The following KIRREL3 variants were observed in gnomAD, a reference collection of about 807,000 sequenced individuals.
KIRREL3 encodes kirre like nephrin family adhesion molecule 3, also known as kin of IRRE-like protein 3.
In KIRREL3, 36 loss-of-function variants were observed where a neutral mutation model predicts 89.7. The observed-to-expected ratio is 0.40, with a 90% CI of 0.31 to 0.53. The LOEUF is 0.53. KIRREL3 is among the 20% of genes least tolerant of loss of function. The pLI is 0.49. For missense variants in KIRREL3, 864 were observed against 1,056.6 expected, an observed-to-expected ratio of 0.82 and a Z score of 2.53; for synonymous variants, 445 against 441.4, an observed-to-expected ratio of 1.01 and a Z score of -0.10.
chr11:126,882,427 T>C (rs1173302740), intron 1 of KIRREL3, among the ~76,000 whole-genome samples: 2 of 152,180 alleles, frequency 1.3e-5, no homozygotes, highest in African/African-American at 4.8e-5. Flanking sequence ...GCAACACAAA[T>C]CATCCCTACC....
rs1308071309 is a variant in KIRREL3 at position 126,605,277 on chromosome 11, G to T, written c.56-42365C>A. On this transcript the variant is annotated intron_variant, in intron 1 of 16. Coordinates refer to ENST00000525144, the MANE Select transcript of KIRREL3 (RefSeq NM_032531.4). This position sits in a 1 kb window ranked among gnomAD's most constrained non-coding sequence, Gnocchi z 5.7. ...TTAGTCACTGCCAGGATTCCAGGCAGGTATAATGTGCTGCACTTAATGTAG... is the reference window on the plus strand; with the variant it reads ...TTAGTCACTGCCAGGATTCCAGGCATGTATAATGTGCTGCACTTAATGTAG... Among the ~76,000 whole-genome samples, 1 of 152,196 alleles carries T rather than the reference G, an allele frequency of 6.6e-6. No homozygotes were observed. Among genetic ancestry groups the T allele is most frequent in the East Asian group, 1.9e-4 (1 of 5,192 alleles).
rs1390473419 is a variant in KIRREL3 at position 126,805,449 on chromosome 11, C to T, written c.55+195006G>A. On this transcript the variant is annotated intron_variant, in intron 1 of 16. Transcript: ENST00000525144. This position sits in a 1 kb window ranked among gnomAD's most constrained non-coding sequence, Gnocchi z 4.3. ...TCTTTAGACAGTTTCCCACACAAGC[C>T]TCAGCCCATCTCATCTGGTTTTGTT... 6.6e-6 allele frequency among the ~76,000 whole-genome samples: 1 copy of T among 152,176 alleles called. No individual in the cohort carries two copies. The highest frequency in any genetic ancestry group is 1.5e-5 in the Non-Finnish European group (1 of 68,036).
At chr11:126,850,032 A>G (rs1319252649) in intron 1 of KIRREL3, among the ~76,000 whole-genome samples, 2 of 152,228 alleles carry the variant, frequency 1.3e-5, no homozygotes, top group Non-Finnish European at 2.9e-5. Flanking sequence ...CCATAATCAC[A>G]AACAATCCAT....
chr11:126,802,411 A>C lies in KIRREL3; in HGVS notation c.55+198044T>G, dbSNP rs1186375730. On this transcript the variant is annotated intron_variant, in intron 1 of 16. Transcript: ENST00000525144. The surrounding 1 kb of genome is among the most constrained non-coding windows in gnomAD (Gnocchi z 5.2). ...GGTGATCATTCAATGCCATTAATTAAAACATTGATGAGAAAAATATATCAC... is the reference window on the plus strand; with the variant it reads ...GGTGATCATTCAATGCCATTAATTACAACATTGATGAGAAAAATATATCAC... Among the ~76,000 whole-genome samples the C allele has an allele frequency of 6.6e-6, 1 of 152,214 alleles. No individual in the cohort carries two copies. Among genetic ancestry groups the C allele is most frequent in the Admixed American group, 6.5e-5 (1 of 15,284 alleles).
At position 126,456,057 on chromosome 11, in the gene KIRREL3, T is replaced by TTTTTTTTC. The variant is rs147218473; in HGVS notation, c.848+291_848+292insGAAAAAAA. ...TGTTTTCGTTTTTTTTTTTTTTTTTTCCTGAGCCTTTTCCCCATGTTTGGA... is the reference window on the plus strand; with the variant it reads ...TGTTTTCGTTTTTTTTTTTTTTTTTTTTTTTTTCCCTGAGCCTTTTCCCCATGTTTGGA... On this transcript the variant is annotated intron_variant, in intron 7 of 16. Coordinates refer to ENST00000525144, the MANE Select transcript of KIRREL3 (RefSeq NM_032531.4). 8.1e-4 allele frequency among the ~76,000 whole-genome samples: 89 copies of TTTTTTTTC among 109,792 alleles called. 6 individuals carry two copies. Among genetic ancestry groups the TTTTTTTTC allele is most frequent in the African/African-American group, 1.9e-3 (54 of 27,926 alleles). 72.0% of individuals were successfully genotyped at this position (109,792 alleles called of 152,430 possible). A position where few individuals can be genotyped will look rare whatever the true frequency, so the allele number is the denominator to read the frequency against.
At chr11:126,493,675 A>AAG (rs397692917) in intron 4 of KIRREL3, among the ~76,000 whole-genome samples, 7 of 149,682 alleles carry the variant, frequency 4.7e-5, no homozygotes, top group Admixed American at 1.3e-4. Context: ...AAAAAAAAAA[A>AAG]GAGAGAATTG....
intron 1 of KIRREL3, among the ~76,000 whole-genome samples, chr11:126,923,439 CTCCTTCT>C (rs1565424953): frequency 8.1e-6 from 1 of 123,048 alleles, no homozygotes; most frequent in Non-Finnish European, 1.6e-5. Context: ...TCCTCTTCTT[CTCCTTCT>C]TTTTTTTTTT....
At chr11:126,839,446 G>A (rs1943889340) in intron 1 of KIRREL3, among the ~76,000 whole-genome samples, 1 of 152,188 alleles carries the variant, frequency 6.6e-6, no homozygotes. Flanking sequence ...GAAAAGTTGT[G>A]TTTTGTTTTG....
intron 1 of KIRREL3, among the ~76,000 whole-genome samples, chr11:126,803,101 G>A (rs1951091276): frequency 6.6e-6 from 1 of 152,172 alleles, no homozygotes; most frequent in Non-Finnish European, 1.5e-5. Flanking sequence ...GACTGAGGGG[G>A]CACACCTGGC....
chr11:126,505,575 A>G (rs947921889), intron 4 of KIRREL3, among the ~76,000 whole-genome samples: 1 of 61,888 alleles, frequency 1.6e-5, no homozygotes, highest in Non-Finnish European at 3.1e-5. Context: ...CCATCTCTTT[A>G]AAAAAAAATG....
intron 1 of KIRREL3, among the ~76,000 whole-genome samples, chr11:126,803,402 G>T (rs573718922): frequency 1.4e-4 from 22 of 152,184 alleles, no homozygotes; most frequent in Admixed American, 1.2e-3. Flanking sequence ...GTGCCTAGTC[G>T]CATGAGGACT....
rs932067248 is a variant in KIRREL3, at chr11:126,723,879, C to T, written c.56-160967G>A. Reference sequence around the variant, plus strand: ...AAATACTTTAAATGAAGGTAAAAACCATCATTGTTTTCTCTCTGCCTAGGG... The same window carrying T: ...AAATACTTTAAATGAAGGTAAAAACTATCATTGTTTTCTCTCTGCCTAGGG... On this transcript the variant is annotated intron_variant, in intron 1 of 16. Coordinates refer to ENST00000525144, the MANE Select transcript of KIRREL3 (RefSeq NM_032531.4). The surrounding 1 kb of genome is among the most constrained non-coding windows in gnomAD (Gnocchi z 4.0). Among the ~76,000 whole-genome samples, 9 of 152,100 alleles carry T rather than the reference C, an allele frequency of 5.9e-5. No homozygotes were observed. Among genetic ancestry groups the T allele is most frequent in the African/African-American group, 2.2e-4 (9 of 41,410 alleles).
At position 126,734,172 on chromosome 11, in the gene KIRREL3, A is replaced by G. The variant is rs1310099934; in HGVS notation, c.56-171260T>C. ...AGCACTGCACTAATGGAAATCAATTAGTGGATGTAAAGAAAATAGGCATTT... is the reference window on the plus strand; with the variant it reads ...AGCACTGCACTAATGGAAATCAATTGGTGGATGTAAAGAAAATAGGCATTT... On this transcript the variant is annotated intron_variant, in intron 1 of 16. Coordinates refer to ENST00000525144, the MANE Select transcript of KIRREL3 (RefSeq NM_032531.4). The surrounding 1 kb of genome is among the most constrained non-coding windows in gnomAD (Gnocchi z 5.9). Among the ~76,000 whole-genome samples the G allele has an allele frequency of 6.6e-6, 1 of 152,242 alleles. No individual in the cohort carries two copies. The highest frequency in any genetic ancestry group is 1.5e-5 in the Non-Finnish European group (1 of 68,038).
intron 2 of KIRREL3, among the ~76,000 whole-genome samples, chr11:126,534,953 G>A (rs568743873): frequency 6.6e-6 from 1 of 152,312 alleles, no homozygotes; most frequent in East Asian, 1.9e-4. Flanking sequence ...CCTGAGTCAG[G>A]ACAGCTGGCA....
rs1036745754 is a variant in KIRREL3 at position 126,812,235 on chromosome 11, C to A, written c.55+188220G>T. Among the ~76,000 whole-genome samples, 1 of 151,962 alleles carries A rather than the reference C, an allele frequency of 6.6e-6. No homozygotes were observed. Among genetic ancestry groups the A allele is most frequent in the Non-Finnish European group, 1.5e-5 (1 of 67,970 alleles). On this transcript the variant is annotated intron_variant, in intron 1 of 16. Coordinates refer to ENST00000525144, the MANE Select transcript of KIRREL3 (RefSeq NM_032531.4). This position sits in a 1 kb window ranked among gnomAD's most constrained non-coding sequence, Gnocchi z 5.2. ...TTTCCTTACTTTGGAACTTTGGGGT[C>A]CTTAGGATAGCGCTGTGTATATGGC...
chr11:126,478,446 G>A (rs966725960), intron 4 of KIRREL3, among the ~76,000 whole-genome samples: 1 of 151,982 alleles, frequency 6.6e-6, no homozygotes, highest in Non-Finnish European at 1.5e-5. Context: ...GGGGAGTGGG[G>A]ATGGGGCCGG....
chr11:126,657,278 A>AAATC (rs1409560857), intron 1 of KIRREL3, among the ~76,000 whole-genome samples: 5 of 151,942 alleles, frequency 3.3e-5, no homozygotes, highest in South Asian at 2.1e-4. Flanking sequence ...ATAAATAAAT[A>AAATC]AATCTTCATG....
Position 126,471,448 on chromosome 11 carries a change from T to C in KIRREL3, c.591+1861A>G, listed in dbSNP as rs908849990. On this transcript the variant is annotated intron_variant, in intron 5 of 16. Transcript: ENST00000525144. The surrounding 1 kb of genome is among the most constrained non-coding windows in gnomAD (Gnocchi z 5.4). Reference sequence around the variant, plus strand: ...AAAAGAAAAGACAGTTTGCTACTCATAGTTCCCAGAGGAAGGGGAGGCCCC... The same window carrying C: ...AAAAGAAAAGACAGTTTGCTACTCACAGTTCCCAGAGGAAGGGGAGGCCCC... Among the ~76,000 whole-genome samples, 9 of 151,930 alleles carry C rather than the reference T, an allele frequency of 5.9e-5. No individual in the cohort carries two copies. The highest frequency in any genetic ancestry group is 1.3e-4 in the Non-Finnish European group (9 of 67,978).
At chr11:126,466,586 C>T (rs530903944) in intron 5 of KIRREL3, among the ~76,000 whole-genome samples, 15 of 152,336 alleles carry the variant, frequency 9.8e-5, no homozygotes, top group African/African-American at 2.2e-4. Flanking sequence ...TTTCTGATCT[C>T]GCCTCTCTTG....
Sources: gnomAD v4.1 joint callset for allele counts (sites outside exome capture counted in the v4.1 genomes callset) on GRCh38, gnomAD v4.1.1 for gene constraint, Gnocchi (gnomAD v3.1) non-coding constraint, MANE v1.5 for transcripts, NCBI Gene and HGNC (gene_info 2026-07-23, HGNC 2026-07-21) for gene names.